Variants in ACAD11 observed in about 807,000 individuals in gnomAD.
ACAD11 encodes the protein acyl-Coenzyme A dehydrogenase family, member 11.
ACAD11 carries 83 observed loss-of-function variants against 102.2 expected under a neutral mutation model. That is an observed-to-expected ratio of 0.81 (90% confidence interval 0.68 to 0.97). The LOEUF is 0.97. ACAD11 is among the 50% of genes least tolerant of loss of function. The pLI is 0.00. For synonymous variants in ACAD11, 324 were observed against 319.8 expected (o/e 1.01, Z -0.14); for missense variants, 901 against 951.7 (o/e 0.95, Z 0.70).
chr3:132,578,898 T>C lies in ACAD11; in HGVS notation c.1689-17A>G, dbSNP rs372363236. 163 of 1,610,656 alleles carry C rather than the reference T, an allele frequency of 1.0e-4. No individual in the cohort carries two copies. The highest frequency in any genetic ancestry group is 9.1e-4 in the African/African-American group (68 of 74,680). On this transcript the variant is annotated splice_polypyrimidine_tract_variant and intron_variant, in intron 14 of 19. Transcript: ENST00000264990. ...TGTTTGTGTCTAGTCAAAAGAAAAATTGTATTAGAAAAAGTTTGCTAAGAA... is the reference window on the plus strand; with the variant it reads ...TGTTTGTGTCTAGTCAAAAGAAAAACTGTATTAGAAAAAGTTTGCTAAGAA...
At chr3:132,574,842 T>C (rs1407269941) in intron 17 of ACAD11, among the ~76,000 whole-genome samples, 1 of 152,174 alleles carries the variant, frequency 6.6e-6, no homozygotes, top group Non-Finnish European at 1.5e-5. Context: ...CCTAATTTTT[T>C]TTCTTTTTCT....
rs184747451 is a variant in ACAD11 at position 132,607,605 on chromosome 3, C to T, written c.1415-2400G>A. Among the ~76,000 whole-genome samples, 28 of 152,196 alleles carry T rather than the reference C, an allele frequency of 1.8e-4. No homozygotes were observed. The East Asian group carries it at 4.4e-3, about 24-fold the overall frequency. On this transcript the variant is annotated intron_variant, in intron 11 of 19. Coordinates refer to ENST00000264990, the MANE Select transcript of ACAD11 (RefSeq NM_032169.5). Reference sequence around the variant, plus strand: ...GAATGAAAAGGAATGAACAAAGCCTCCAAAAAATATGGGATGATGTGAAAA... The same window carrying T: ...GAATGAAAAGGAATGAACAAAGCCTTCAAAAAATATGGGATGATGTGAAAA...
intron 9 of ACAD11, among the ~76,000 whole-genome samples, chr3:132,623,193 A>G (rs1332423936): frequency 6.6e-6 from 1 of 152,236 alleles, no homozygotes; most frequent in Non-Finnish European, 1.5e-5. Context: ...TTCTCACTAT[A>G]GAAAATTTGA....
intron 11 of ACAD11, among the ~76,000 whole-genome samples, chr3:132,616,413 A>G (rs900854692): frequency 3.3e-5 from 5 of 152,346 alleles, no homozygotes; most frequent in South Asian, 4.1e-4. Flanking sequence ...ATTATGATCC[A>G]TTAGTGCATC....
intron 17 of ACAD11, among the ~76,000 whole-genome samples, chr3:132,566,277 C>T (rs1226105312): frequency 1.1e-5 from 1 of 93,918 alleles, no homozygotes; most frequent in Non-Finnish European, 2.0e-5. Context: ...CACCCTAAAC[C>T]AAAGAGAGAA....
At chr3:132,627,063 T>C in intron 8 of ACAD11, 1 of 313,926 alleles carries the variant, frequency 3.2e-6, no homozygotes, top group Non-Finnish European at 5.9e-6. Context: ...TGGCATCACC[T>C]CAAGCAATGT....
chr3:132,562,157 T>G (rs1049408685), intron 17 of ACAD11, among the ~76,000 whole-genome samples: 4 of 152,186 alleles, frequency 2.6e-5, no homozygotes, highest in African/African-American at 9.7e-5. Context: ...CAGGCTGGAG[T>G]GCAGTGGCGC....
chr3:132,608,421 T>G (rs1938956166), intron 11 of ACAD11, among the ~76,000 whole-genome samples: 1 of 151,860 alleles, frequency 6.6e-6, no homozygotes. Flanking sequence ...AATAAAGGGA[T>G]GGAGGAAGAT....
chr3:132,629,796 A>T (rs916584445), intron 7 of ACAD11, among the ~76,000 whole-genome samples: 4 of 152,166 alleles, frequency 2.6e-5, no homozygotes, highest in African/African-American at 9.7e-5. Flanking sequence ...CTATTGATGA[A>T]GCATCTCAAT....
At chr3:132,593,305 T>C (rs1257957694) in intron 13 of ACAD11, among the ~76,000 whole-genome samples, 1 of 152,036 alleles carries the variant, frequency 6.6e-6, no homozygotes, top group Non-Finnish European at 1.5e-5. Context: ...AAAATCAGTA[T>C]ACAGATGGGC....
At chr3:132,612,650 G>T (rs76534135) in intron 11 of ACAD11, among the ~76,000 whole-genome samples, 1 of 152,044 alleles carries the variant, frequency 6.6e-6, no homozygotes, top group East Asian at 1.9e-4. Flanking sequence ...GGCTATCAGA[G>T]AAATGCAAAT....
At chr3:132,608,701 T>C (rs1391501876) in intron 11 of ACAD11, among the ~76,000 whole-genome samples, 2 of 152,130 alleles carry the variant, frequency 1.3e-5, no homozygotes, top group East Asian at 3.9e-4. Flanking sequence ...TGGGAGACTT[T>C]AACACCCCAT....
intron 13 of ACAD11, among the ~76,000 whole-genome samples, chr3:132,584,373 G>T (rs1937706815): frequency 6.6e-6 from 1 of 152,116 alleles, no homozygotes; most frequent in Admixed American, 6.6e-5. Flanking sequence ...CAGAGACTAG[G>T]ATTGCAACCC....
At chr3:132,606,473 G>T (rs778566023) in intron 11 of ACAD11, among the ~76,000 whole-genome samples, 1 of 151,872 alleles carries the variant, frequency 6.6e-6, no homozygotes, top group Non-Finnish European at 1.5e-5. Flanking sequence ...AGTTTCTTCC[G>T]AAAAGCTCAC....
At chr3:132,604,897 C>G (rs918636963) in intron 12 of ACAD11, 10 of 438,630 alleles carry the variant, frequency 2.3e-5, no homozygotes, top group African/African-American at 1.4e-4. Context: ...ATCTGATATT[C>G]TAACAAAGGA....
At chr3:132,623,966 C>T (rs1939702715) in intron 9 of ACAD11, among the ~76,000 whole-genome samples, 1 of 152,016 alleles carries the variant, frequency 6.6e-6, no homozygotes, top group Admixed American at 6.6e-5. Flanking sequence ...GGACAGACAA[C>T]CTGGGATTTC....
chr3:132,642,570 A>C, intron 3 of ACAD11, 107 bp downstream of exon 3: 1 of 1,255,044 alleles, frequency 8.0e-7, no homozygotes, highest in Non-Finnish European at 1.1e-6. Context: ...ATTACCTAAA[A>C]TGTTAAATAA....
intron 13 of ACAD11, chr3:132,600,321 T>C: frequency 7.5e-7 from 1 of 1,330,278 alleles, no homozygotes; most frequent in Non-Finnish European, 1.0e-6. Context: ...CAAAACAGCT[T>C]GATAAAAACT....
At position 132,575,844 on chromosome 3, in the gene ACAD11, C is replaced by T. The variant is rs370980622; in HGVS notation, c.1929G>A (p.Ala643=). The change falls in exon 17 of 20, where the codon GCG becomes GCA. Residue 643 remains alanine, a synonymous_variant. Transcript: ENST00000264990. Reference sequence around the variant, plus strand: ...CACACATGATCTGCAAAGCGCGTTCCGCCAAACCTACTGTTCTCATACAGT... The same window carrying T: ...CACACATGATCTGCAAAGCGCGTTCTGCCAAACCTACTGTTCTCATACAGT... ...IHHCMRTVGL[A]ERALQIMCER... 9.9e-6 allele frequency: 16 copies of T among 1,614,050 alleles called. No homozygotes were observed. Among genetic ancestry groups the T allele is most frequent in the South Asian group, 5.5e-5 (5 of 91,078 alleles).
Sources: allele counts gnomAD v4.1 joint callset (sites outside exome capture counted in the v4.1 genomes callset), GRCh38; gene constraint gnomAD v4.1.1; transcripts MANE v1.5; gene names NCBI Gene and HGNC (gene_info 2026-07-23, HGNC 2026-07-21).